Variants in PYGL observed in about 807,000 individuals in gnomAD.
PYGL encodes glycogen phosphorylase, liver form.
A neutral mutation model predicts 100.1 loss-of-function variants in PYGL; 90 were observed. The observed-to-expected ratio is 0.90, with a 90% CI of 0.76 to 1.07. PYGL has a LOEUF of 1.07. Among genes scored for constraint, PYGL ranks in the 50% least tolerant of loss-of-function variants. PYGL has a pLI of 0.00. For missense variants in PYGL, 1,016 were observed against 1,057.6 expected (o/e 0.96, Z 0.55); for synonymous variants, 373 against 393.0 (o/e 0.95, Z 0.60).
At chr14:50,934,123 G>T in intron 3 of PYGL, among the ~76,000 whole-genome samples, 1 of 152,120 alleles carries the variant, frequency 6.6e-6, no homozygotes, top group East Asian at 1.9e-4. Flanking sequence ...AATGGAGCTG[G>T]TATTGTATTT....
intron 2 of PYGL, 108 bp downstream of exon 2, chr14:50,937,628 A>AT (rs1460947493): frequency 2.7e-6 from 3 of 1,110,970 alleles, no homozygotes; most frequent in Non-Finnish European, 4.1e-6. Flanking sequence ...TATAGAGGCG[A>AT]TTTTTCACTC....
Position 50,914,689 on chromosome 14 carries a change from C to T in PYGL, c.1518+12G>A, listed in dbSNP as rs372517355. The T allele has an allele frequency of 4.4e-6, 7 of 1,600,282 alleles. No individual in the cohort carries two copies. The East Asian group carries it at 6.7e-5, about 15-fold the overall frequency. On this transcript the variant is annotated intron_variant, in intron 12 of 19. Transcript: ENST00000216392. ...AGTCAGGCCTCCTTTCCTCTCAGCA[C>T]TTCCCAGTTACCTCTGCTATGAGCT...
intron 2 of PYGL, among the ~76,000 whole-genome samples, chr14:50,936,872 G>C (rs939108883): frequency 2.4e-4 from 36 of 152,202 alleles, no homozygotes; most frequent in African/African-American, 8.7e-4. Context: ...GCTACTCCAA[G>C]GGAGAGATGT....
At chr14:50,910,508 T>C (rs962484967) in intron 16 of PYGL, among the ~76,000 whole-genome samples, 13 of 152,228 alleles carry the variant, frequency 8.5e-5, no homozygotes, top group African/African-American at 3.1e-4. Flanking sequence ...CAGGCTGGAG[T>C]GCAGTGGTGC....
At chr14:50,915,688 T>C (rs2050440419) in intron 10 of PYGL, 137 bp downstream of exon 10, 2 of 1,423,618 alleles carry the variant, frequency 1.4e-6, no homozygotes, top group Non-Finnish European at 1.9e-6. Flanking sequence ...CTGCCTTTGT[T>C]GGAGCCCCGT....
intron 5 of PYGL, among the ~76,000 whole-genome samples, chr14:50,922,882 A>C (rs1302216027): frequency 6.6e-6 from 1 of 152,052 alleles, no homozygotes; most frequent in African/African-American, 2.4e-5. Context: ...CCAATATGTC[A>C]CTTGCACTTC....
At chr14:50,914,239 T>C (rs2142794650) in intron 12 of PYGL, among the ~76,000 whole-genome samples, 1 of 152,336 alleles carries the variant, frequency 6.6e-6, no homozygotes, top group Non-Finnish European at 1.5e-5. Context: ...CTCATGCCTG[T>C]ATTCCCAGCA....
intron 16 of PYGL, among the ~76,000 whole-genome samples, chr14:50,911,112 G>C (rs781537289): frequency 1.6e-4 from 25 of 152,214 alleles, no homozygotes; most frequent in Non-Finnish European, 2.8e-4. Flanking sequence ...ATACACAGTT[G>C]GGCATTTGCA....
At chr14:50,916,871 T>A in intron 8 of PYGL, 91 bp downstream of exon 8, 1 of 1,560,666 alleles carries the variant, frequency 6.4e-7, no homozygotes, top group Non-Finnish European at 8.8e-7. Flanking sequence ...TGCTCAACGT[T>A]GTTAGCACTG....
At position 50,909,894 on chromosome 14, in the gene PYGL, C is replaced by T. The variant is rs1243996460; in HGVS notation, c.2177+1G>A. The T allele has an allele frequency of 1.2e-6, 2 of 1,614,022 alleles. No individual in the cohort carries two copies. Among genetic ancestry groups the T allele is most frequent in the South Asian group, 1.1e-5 (1 of 91,082 alleles). ...CTAGCAAAGAGAAGCTATTCTCTTA[C>T]CCTTTCTTGTCCAAAGCAGCCACAT... On this transcript the variant is annotated splice_donor_variant, in intron 17 of 19. Coordinates refer to ENST00000216392, the MANE Select transcript of PYGL (RefSeq NM_002863.5). LOFTEE classifies it high-confidence loss of function.
At chr14:50,933,181 T>C (rs1233144204) in intron 3 of PYGL, among the ~76,000 whole-genome samples, 6 of 152,236 alleles carry the variant, frequency 3.9e-5, no homozygotes, top group Non-Finnish European at 1.5e-5. Flanking sequence ...TAACAAAGAC[T>C]GAGGGCTCGG....
intron 5 of PYGL, 118 bp from the exon 6 acceptor site, chr14:50,921,185 T>G: frequency 1.3e-6 from 1 of 783,516 alleles, no homozygotes; most frequent in Non-Finnish European, 2.2e-6. Flanking sequence ...CAACTTAAAT[T>G]GTGTGAGGCC....
At chr14:50,912,907 T>C in intron 13 of PYGL, 122 bp downstream of exon 13, 2 of 848,382 alleles carry the variant, frequency 2.4e-6, no homozygotes, top group Non-Finnish European at 3.8e-6. Context: ...TGAGCCGAGA[T>C]CGTGCCACTG....
At position 50,944,207 on chromosome 14, in the gene PYGL, C is replaced by T. The variant is rs1257172381; in HGVS notation, c.197G>A (p.Gly66Glu). 6.2e-7 allele frequency: 1 copy of T among 1,611,982 alleles called. No homozygotes were observed. The highest frequency in any genetic ancestry group is 1.7e-5 in the Admixed American group (1 of 60,000). The change falls in exon 1 of 20, where the codon GGG (glycine) becomes GAG (glutamate). Residue 66 changes from glycine (G) to glutamate (E), a missense_variant. By Grantham distance (98) the Gly-to-Glu change is moderately conservative. Coordinates refer to ENST00000216392, the MANE Select transcript of PYGL (RefSeq NM_002863.5). ...GTGCTGCTGCGTGCGGATCCAGCGC[C>T]CCACCAGGTGGTCGCGCACCGTGTG... ...LAHTVRDHLV[G>E]RWIRTQQHYY...
chr14:50,935,162 T>G lies in PYGL; in HGVS notation c.369A>C (p.Leu123Phe). 1 of 1,612,570 alleles carries G rather than the reference T, an allele frequency of 6.2e-7. No individual in the cohort carries two copies. Among genetic ancestry groups the G allele is most frequent in the Non-Finnish European group, 8.5e-7 (1 of 1,178,570 alleles). Residue 123 changes from leucine to phenylalanine, a missense_variant, in exon 3 of 20, where the codon TTA becomes TTC. Transcript: ENST00000216392. The stretch of plus-strand genomic sequence containing the variant: ...GTCCAGCATCTTCTTCAATTTCTTC[T>G]AACTCTTCTATATCCAATCCAAGCT... ...IYQLGLDIEE[L>F]EEIEEDAGLG...
At position 50,937,776 on chromosome 14, in the gene PYGL, T is replaced by A. The variant is rs763559339; in HGVS notation, c.305A>T (p.Asn102Ile). 10 of 1,613,988 alleles carry A rather than the reference T, an allele frequency of 6.2e-6. No homozygotes were observed. Among genetic ancestry groups the A allele is most frequent in the Non-Finnish European group, 6.8e-6 (8 of 1,179,970 alleles). The change falls in exon 2 of 20, where the codon AAC becomes ATC. Residue 102 changes from asparagine to isoleucine, a missense_variant. Asn to Ile is a moderately radical substitution (Grantham distance 149). Transcript: ENST00000216392. ...ATCACAGGCATTTTGCAGACCGAGG[T>A]TGATCATGGTGTTCTGTAATGTTCG... ...MGRTLQNTMI[N>I]LGLQNACDEA...
intron 9 of PYGL, among the ~76,000 whole-genome samples, chr14:50,916,433 C>T (rs1338820855): frequency 1.3e-5 from 2 of 152,020 alleles, no homozygotes; most frequent in African/African-American, 4.8e-5. Flanking sequence ...GATTTGTGTC[C>T]CATTAGGAAT....
At chr14:50,939,488 TAA>T (rs2139199934) in intron 1 of PYGL, among the ~76,000 whole-genome samples, 1 of 152,256 alleles carries the variant, frequency 6.6e-6, no homozygotes, top group Admixed American at 6.5e-5. Flanking sequence ...TTTGACATGG[TAA>T]AAGTCAGGCA....
intron 17 of PYGL, among the ~76,000 whole-genome samples, chr14:50,909,518 C>T (rs182157718): frequency 6.6e-6 from 1 of 152,280 alleles, no homozygotes; most frequent in East Asian, 1.9e-4. Context: ...CATTTTAGTG[C>T]ATTTCTTTGA....
Sources: gnomAD v4.1 joint callset for allele counts (sites outside exome capture counted in the v4.1 genomes callset) on GRCh38, gnomAD v4.1.1 for gene constraint, MANE v1.5 for transcripts, NCBI Gene and HGNC (gene_info 2026-07-23, HGNC 2026-07-21) for gene names.